Variants in GRB2 observed in about 807,000 individuals in gnomAD.
GRB2 encodes the protein growth factor receptor bound protein 2, also known as growth factor receptor-bound protein 2.
GRB2 carries 2 observed loss-of-function variants against 27.4 expected under a neutral mutation model. The observed-to-expected ratio is 0.07, with a 90% CI of 0.03 to 0.23. GRB2 has a LOEUF of 0.23. Ranked by LOEUF, GRB2 falls within the 10% of genes least tolerant of loss-of-function variation. The probability of loss-of-function intolerance (pLI) is 1.00; values close to 1 mark genes in which losing one functional copy is unlikely to be tolerated. For synonymous variants in GRB2, 94 were observed against 99.6 expected (o/e 0.94, Z 0.33); for missense variants, 102 against 282.4 (o/e 0.36, Z 4.58).
At chr17:75,394,413 T>C (rs571011872) in intron 1 of GRB2, 1 of 152,210 alleles carries the variant, frequency 6.6e-6, no homozygotes, top group Non-Finnish European at 1.5e-5. Context: ...CACTTCCATG[T>C]TGTGATCGGC....
intron 1 of GRB2, among the ~76,000 whole-genome samples, chr17:75,397,750 A>G (rs2145875900): frequency 6.6e-6 from 1 of 152,314 alleles, no homozygotes; most frequent in South Asian, 2.1e-4. Flanking sequence ...TGAGGATTAA[A>G]TTAGACAACA....
intron 2 of GRB2, among the ~76,000 whole-genome samples, chr17:75,377,979 C>A (rs2078904904): frequency 1.3e-5 from 2 of 152,240 alleles, no homozygotes; most frequent in Admixed American, 1.3e-4. Flanking sequence ...TCAGAACAAC[C>A]CCCAAGTCTG....
chr17:75,398,936 C>A (rs1174964470), intron 1 of GRB2, among the ~76,000 whole-genome samples: 1 of 151,682 alleles, frequency 6.6e-6, no homozygotes, highest in Non-Finnish European at 1.5e-5. Context: ...TTAATAGAGA[C>A]AGGATTTCGC....
chr17:75,325,406 C>T (rs1036044290), intron 4 of GRB2, among the ~76,000 whole-genome samples: 7 of 152,220 alleles, frequency 4.6e-5, no homozygotes, highest in African/African-American at 1.7e-4. Flanking sequence ...CTTCTCCATT[C>T]CCTGCTTACC....
chr17:75,383,488 A>G (rs2078942976), intron 2 of GRB2, among the ~76,000 whole-genome samples: 1 of 152,156 alleles, frequency 6.6e-6, no homozygotes, highest in African/African-American at 2.4e-5. Flanking sequence ...TGTGTACTGA[A>G]TAGCATTAAT....
chr17:75,350,663 T>G (rs553958085), intron 2 of GRB2, among the ~76,000 whole-genome samples: 1 of 152,220 alleles, frequency 6.6e-6, no homozygotes, highest in East Asian at 1.9e-4. Flanking sequence ...AGCTAATTTT[T>G]TTGTATTTTC....
chr17:75,391,478 T>G (rs1295935292), intron 2 of GRB2, among the ~76,000 whole-genome samples: 1 of 152,126 alleles, frequency 6.6e-6, no homozygotes, highest in African/African-American at 2.4e-5. Flanking sequence ...TAGGACAAAC[T>G]TCAAAGACAG....
At chr17:75,354,266 G>GA (rs2078714818) in intron 2 of GRB2, among the ~76,000 whole-genome samples, 3 of 99,118 alleles carry the variant, frequency 3.0e-5, no homozygotes, top group African/African-American at 9.4e-5. Flanking sequence ...TTTTTTTTTG[G>GA]GGGGGGGGGG....
Position 75,401,672 on chromosome 17 carries a change from C to T in GRB2, c.-138+3817G>A, listed in dbSNP as rs189966870. On this transcript the variant is annotated intron_variant, in intron 1 of 5. Transcript: ENST00000316804. ...CTTTCCACTTACTAATGAGGGGACA[C>T]TGGAGAAGTAACTTATACTCTGTAA... Among the ~76,000 whole-genome samples the T allele has an allele frequency of 3.0e-4, 45 of 152,320 alleles. No homozygotes were observed. In the East Asian group the frequency reaches 8.1e-3, roughly 27 times the overall value.
intron 2 of GRB2, among the ~76,000 whole-genome samples, chr17:75,361,278 C>T (rs1598238095): frequency 1.3e-5 from 2 of 152,238 alleles, no homozygotes; most frequent in East Asian, 3.9e-4. Flanking sequence ...TTCTCAAAAA[C>T]ATTTTGCGAA....
At chr17:75,339,195 GTT>G (rs56088365) in intron 2 of GRB2, 1,317 of 584,602 alleles carry the variant, frequency 2.3e-3, no homozygotes, top group Non-Finnish European at 2.6e-3. Context: ...CTGAGTTTAT[GTT>G]TTTTTTTTTT....
intron 1 of GRB2, among the ~76,000 whole-genome samples, chr17:75,399,289 G>A (rs549391179): frequency 2.0e-5 from 3 of 151,824 alleles, no homozygotes; most frequent in Admixed American, 6.6e-5. Flanking sequence ...CTGGACTCAC[G>A]TGATCCTCCC....
intron 3 of GRB2, among the ~76,000 whole-genome samples, chr17:75,332,235 G>A (rs1465720999): frequency 2.6e-5 from 4 of 152,146 alleles, no homozygotes; most frequent in African/African-American, 4.8e-5. Flanking sequence ...TTGTTCTCTT[G>A]TAAGTAGGAA....
chr17:75,354,034 T>G (rs1358853357), intron 2 of GRB2, among the ~76,000 whole-genome samples: 3 of 150,626 alleles, frequency 2.0e-5, no homozygotes, highest in Non-Finnish European at 3.0e-5. Flanking sequence ...AGCGAGACTC[T>G]GTCTCAAAAA....
chr17:75,403,860 T>C (rs1349707936), intron 1 of GRB2, among the ~76,000 whole-genome samples: 1 of 152,172 alleles, frequency 6.6e-6, no homozygotes, highest in African/African-American at 2.4e-5. Context: ...ACGCCTGTAA[T>C]CCCAACACTT....
intron 2 of GRB2, among the ~76,000 whole-genome samples, chr17:75,374,775 G>A (rs1429915603): frequency 1.3e-5 from 2 of 151,742 alleles, no homozygotes; most frequent in African/African-American, 4.8e-5. Flanking sequence ...CTGGCCAACA[G>A]AACAAGACTC....
intron 3 of GRB2, among the ~76,000 whole-genome samples, chr17:75,331,863 T>C (rs1326744106): frequency 6.6e-6 from 1 of 152,194 alleles, no homozygotes; most frequent in Non-Finnish European, 1.5e-5. Flanking sequence ...ATGTGGCTTA[T>C]ATGGGACCTG....
At chr17:75,321,241 A>G (rs1817954735) in intron 5 of GRB2, among the ~76,000 whole-genome samples, 1 of 142,420 alleles carries the variant, frequency 7.0e-6, no homozygotes. Flanking sequence ...CAGTGGTGCA[A>G]TCTCAGCTCA....
chr17:75,361,263 T>C (rs2078779889), intron 2 of GRB2, among the ~76,000 whole-genome samples: 1 of 152,196 alleles, frequency 6.6e-6, no homozygotes, highest in South Asian at 2.1e-4. Flanking sequence ...TTCCAGTCTG[T>C]GTTGTTCTCA....
Sources: gnomAD v4.1 joint callset for allele counts (sites outside exome capture counted in the v4.1 genomes callset) on GRCh38, gnomAD v4.1.1 for gene constraint, MANE v1.5 for transcripts, NCBI Gene and HGNC (gene_info 2026-07-23, HGNC 2026-07-21) for gene names.